DPY19L1: variants seen among roughly 807,000 people sequenced by gnomAD.
DPY19L1 encodes dpy-19 like C-mannosyltransferase 1.
A neutral mutation model predicts 96.9 loss-of-function variants in DPY19L1; 35 were observed. The ratio of observed to expected loss-of-function variants is 0.36; its 90% CI spans 0.28 to 0.48. DPY19L1 has a LOEUF of 0.48. DPY19L1 is among the 20% of genes least tolerant of loss of function. The pLI is 0.99. For missense variants in DPY19L1, 521 were observed against 777.9 expected (o/e 0.67, Z 3.93); for synonymous variants, 205 against 252.6 (o/e 0.81, Z 1.79).
At chr7:35,037,829 C>T (rs1786484639), upstream of DPY19L1, 10 of 1,230,290 alleles carry the variant, frequency 8.1e-6, no homozygotes, top group Non-Finnish European at 1.0e-5. Context: ...TCTTCGGCGC[C>T]CGCGCGGGGC....
intron 10 of DPY19L1, among the ~76,000 whole-genome samples, chr7:34,959,773 T>C (rs187509581): frequency 1.3e-5 from 2 of 151,384 alleles, no homozygotes; most frequent in East Asian, 1.9e-4. Flanking sequence ...AGATGACGGG[T>C]TGATGGGTGC....
intron 13 of DPY19L1, among the ~76,000 whole-genome samples, chr7:34,950,709 T>C (rs1784251083): frequency 6.6e-6 from 1 of 152,292 alleles, no homozygotes; most frequent in East Asian, 1.9e-4. Flanking sequence ...ATACTATGTC[T>C]TGTTGGGAGA....
chr7:34,947,685 G>GTGTA lies in DPY19L1; in HGVS notation c.1435_1438dup (p.Thr480IlefsTer19). ...AACAACTGGAAGCAATAATGTCTTTGTGTATCTCAGTGGAGTCTGAAATTC... is the reference window on the plus strand; with the variant it reads ...AACAACTGGAAGCAATAATGTCTTTGTGTATGTATCTCAGTGGAGTCTGAAATTC... On this transcript the variant is annotated frameshift_variant, in exon 15 of 22. Transcript: ENST00000638088. LOFTEE classifies it high-confidence loss of function. The GTGTA allele has an allele frequency of 6.2e-7, 1 of 1,611,744 alleles. No individual in the cohort carries two copies. Among genetic ancestry groups the GTGTA allele is most frequent in the Non-Finnish European group, 8.5e-7 (1 of 1,178,902 alleles).
chr7:34,995,894 T>G (rs1584244428), intron 6 of DPY19L1, among the ~76,000 whole-genome samples: 1 of 114,568 alleles, frequency 8.7e-6, no homozygotes, highest in African/African-American at 3.4e-5. Flanking sequence ...CTGAGAACCT[T>G]CCCCTATACT....
intron 1 of DPY19L1, among the ~76,000 whole-genome samples, chr7:35,027,191 C>CA (rs1786141065): frequency 1.3e-5 from 2 of 150,892 alleles, no homozygotes; most frequent in South Asian, 4.2e-4. Flanking sequence ...GCAACAAGAG[C>CA]AAAACTCCGT....
intron 6 of DPY19L1, among the ~76,000 whole-genome samples, chr7:35,010,182 A>C (rs1015752030): frequency 1.2e-4 from 19 of 152,130 alleles, no homozygotes; most frequent in African/African-American, 4.1e-4. Context: ...GTGAGCAGAG[A>C]TCACACTACT....
intron 21 of DPY19L1, 140 bp downstream of exon 21, chr7:34,937,854 G>A (rs1346163296): frequency 3.5e-6 from 3 of 859,144 alleles, no homozygotes; most frequent in East Asian, 2.8e-5. Context: ...GTGAGAGCCT[G>A]TTTAAAAAAA....
chr7:34,994,347 C>G (rs1202002076), intron 6 of DPY19L1, among the ~76,000 whole-genome samples: 4 of 151,876 alleles, frequency 2.6e-5, no homozygotes, highest in Non-Finnish European at 4.4e-5. Flanking sequence ...CTAAAACAAC[C>G]TAAAACACGA....
chr7:34,947,329 G>C (rs1784169312), intron 15 of DPY19L1, among the ~76,000 whole-genome samples: 1 of 152,286 alleles, frequency 6.6e-6, no homozygotes, highest in African/African-American at 2.4e-5. Context: ...GTAAAAGCCA[G>C]TAATAATTTA....
Position 35,002,112 on chromosome 7 carries a change from C to T in DPY19L1, c.764+8356G>A, listed in dbSNP as rs570075481. 8.9e-5 allele frequency among the ~76,000 whole-genome samples: 12 copies of T among 134,976 alleles called. No homozygotes were observed. In the East Asian group the frequency reaches 1.9e-3, roughly 22 times the overall value. 88.5% of individuals were successfully genotyped at this position (134,976 alleles called of 152,430 possible). On this transcript the variant is annotated intron_variant, in intron 6 of 21. Coordinates refer to ENST00000638088, the MANE Select transcript of DPY19L1 (RefSeq NM_001366673.1). Reference sequence around the variant, plus strand: ...ATTGCACTCCAGCCTGGTAACAGAGCGAGACTCCAGCTCAAAAAAAAAAAA... The same window carrying T: ...ATTGCACTCCAGCCTGGTAACAGAGTGAGACTCCAGCTCAAAAAAAAAAAA...
intron 7 of DPY19L1, among the ~76,000 whole-genome samples, chr7:34,985,412 T>C (rs576782134): frequency 6.6e-6 from 1 of 152,070 alleles, no homozygotes; most frequent in Non-Finnish European, 1.5e-5. Context: ...GGAGAAAATA[T>C]CTGCAAACCA....
chr7:34,952,188 AAGG>A (rs1784283138), intron 13 of DPY19L1, among the ~76,000 whole-genome samples: 1 of 151,818 alleles, frequency 6.6e-6, no homozygotes, highest in African/African-American at 2.4e-5. Flanking sequence ...AAATCCAAAT[AAGG>A]AGAAGTCAAC....
chr7:34,953,992 T>C (rs748757519), intron 13 of DPY19L1, among the ~76,000 whole-genome samples: 1 of 152,088 alleles, frequency 6.6e-6, no homozygotes, highest in African/African-American at 2.4e-5. Flanking sequence ...ATTAATCTAG[T>C]ACAGAAAGAA....
Position 34,940,276 on chromosome 7 carries a change from T to C in DPY19L1, c.1741A>G (p.Ile581Val), listed in dbSNP as rs1471410605. 6.8e-6 allele frequency: 11 copies of C among 1,612,100 alleles called. No individual in the cohort carries two copies. Among genetic ancestry groups the C allele is most frequent in the Admixed American group, 3.3e-5 (2 of 59,938 alleles). ...CCTTGTATTGACATTGCTGCTAATA[T>C]AGCAAACACAATAGCACCAGGATGT... The part of the protein sequence containing the change: ...KVHPGAIVFA[I>V]LAAMSIQGSA... Residue 581 changes from isoleucine (I) to valine (V), a missense_variant, in exon 19 of 22, where the codon ATA (isoleucine) becomes GTA (valine). Coordinates refer to ENST00000638088, the MANE Select transcript of DPY19L1 (RefSeq NM_001366673.1).
At chr7:34,939,160 T>G in intron 20 of DPY19L1, 116 bp downstream of exon 20, 1 of 868,138 alleles carries the variant, frequency 1.2e-6, no homozygotes, top group Non-Finnish European at 1.7e-6. Context: ...CCTGACTCGA[T>G]AAGCCTCAGT....
rs71551083 is a variant in DPY19L1, at chr7:35,007,588, GGTGTGTGTGT to G, written c.764+2870_764+2879del. On this transcript the variant is annotated intron_variant, in intron 6 of 21. Coordinates refer to ENST00000638088, the MANE Select transcript of DPY19L1 (RefSeq NM_001366673.1). ...TACACAACTCAGCACACACACGTGTGGTGTGTGTGTGTGTGTGTGTGTATATATATATTTA... is the reference window on the plus strand; with the variant it reads ...TACACAACTCAGCACACACACGTGTGGTGTGTGTGTGTATATATATATTTA... Among the ~76,000 whole-genome samples the G allele has an allele frequency of 7.4e-4, 112 of 150,486 alleles. 1 individual carries two copies. The highest frequency in any genetic ancestry group is 1.4e-3 in the Non-Finnish European group (96 of 67,340).
intron 6 of DPY19L1, among the ~76,000 whole-genome samples, chr7:35,004,395 G>A (rs180993500): frequency 1.3e-5 from 2 of 152,236 alleles, no homozygotes; most frequent in East Asian, 3.9e-4. Context: ...CATATTTAAG[G>A]GTAAACACAT....
chr7:34,938,044 T>A lies in DPY19L1; in HGVS notation c.2040A>T (p.Leu680Phe), dbSNP rs1248772269. 6.2e-7 allele frequency: 1 copy of A among 1,614,038 alleles called. No individual in the cohort carries two copies. The highest frequency in any genetic ancestry group is 1.7e-5 in the Admixed American group (1 of 60,032). ...CTTCTAGAATGTAATAGTTCACTTT[T>A]AACTTTATCAGTTCTCGCTTCACTT... ...AEEVKRELIKLKVNYYILEES... is the reference protein window; with the variant it reads ...AEEVKRELIKFKVNYYILEES... The change falls in exon 21 of 22, where the codon TTA becomes TTT. Residue 680 changes from leucine (L) to phenylalanine (F), a missense_variant. Leu to Phe is a conservative substitution (Grantham distance 22). Transcript: ENST00000638088.
At chr7:34,944,073 T>G (rs150673961) in intron 16 of DPY19L1, among the ~76,000 whole-genome samples, 38 of 152,056 alleles carry the variant, frequency 2.5e-4, no homozygotes, top group Non-Finnish European at 4.1e-4. Flanking sequence ...AATTATAAAA[T>G]AAAATATAGG....
Sources: gnomAD v4.1 joint callset for allele counts (sites outside exome capture counted in the v4.1 genomes callset) on GRCh38, gnomAD v4.1.1 for gene constraint, MANE v1.5 for transcripts, NCBI Gene and HGNC (gene_info 2026-07-23, HGNC 2026-07-21) for gene names.